The following WDR27 variants were observed in gnomAD, a reference collection of about 807,000 sequenced individuals.
The protein encoded by WDR27 is WD repeat domain 27, also known as WD repeat-containing protein 27.
In WDR27, 100 loss-of-function variants were observed where a neutral mutation model predicts 114.4. The ratio of observed to expected loss-of-function variants is 0.87; its 90% CI spans 0.74 to 1.03. The LOEUF is 1.03. Among genes scored for constraint, WDR27 ranks in the 50% least tolerant of loss-of-function variants. The pLI, the probability that WDR27 is intolerant of heterozygous loss-of-function variation, is 0.00. For synonymous variants in WDR27, 449 were observed against 423.1 expected, an observed-to-expected ratio of 1.06 and a Z score of -0.75; for missense variants, 1,129 against 1,092.9, an observed-to-expected ratio of 1.03 and a Z score of -0.47.
At chr6:169,598,691 A>G (rs1807322186) in intron 23 of WDR27, among the ~76,000 whole-genome samples, 1 of 152,186 alleles carries the variant, frequency 6.6e-6, no homozygotes, top group African/African-American at 2.4e-5. Context: ...ACGCAGCCAC[A>G]CACCAAGGAA....
intron 17 of WDR27, among the ~76,000 whole-genome samples, chr6:169,641,444 T>C (rs1269151555): frequency 1.3e-5 from 2 of 152,110 alleles, no homozygotes; most frequent in African/African-American, 4.8e-5. Context: ...GTTGGCCAGT[T>C]TCCCCTGTGG....
At chr6:169,572,846 T>C (rs1374250397) in intron 24 of WDR27, among the ~76,000 whole-genome samples, 1 of 152,134 alleles carries the variant, frequency 6.6e-6, no homozygotes, top group African/African-American at 2.4e-5. Flanking sequence ...ACAAAAAACA[T>C]TTTATGCCCA....
intron 25 of WDR27, among the ~76,000 whole-genome samples, chr6:169,525,921 C>T (rs1202354702): frequency 6.6e-6 from 1 of 152,154 alleles, no homozygotes; most frequent in East Asian, 1.9e-4. Context: ...CAATGCAATC[C>T]TGTCACCTGC....
At chr6:169,670,195 G>C (rs7747645) in intron 4 of WDR27, 26,557 of 163,960 alleles carry the variant, frequency 0.16, 2,778 homozygotes, top group East Asian at 0.29. Flanking sequence ...AACCCTGGTG[G>C]GAAAAGTCTG....
rs150669401 is a variant in WDR27 at position 169,533,332 on chromosome 6, G to A, written c.2645+39087C>T. 4.4e-3 allele frequency among the ~76,000 whole-genome samples: 672 copies of A among 152,074 alleles called. 6 individuals carry two copies. The highest frequency in any genetic ancestry group is 0.015 in the African/African-American group (637 of 41,452). The stretch of plus-strand genomic sequence containing the variant: ...GCGGGGGCGGTGGTGAGGTGAGAAC[G>A]ATTGGGTGCTAGACAGAAATGAGTC... On this transcript the variant is annotated intron_variant, in intron 25 of 25. Transcript: ENST00000448612.
At chr6:169,559,706 TCAC>T (rs1369415442) in intron 25 of WDR27, 2 of 152,204 alleles carry the variant, frequency 1.3e-5, no homozygotes, top group African/African-American at 4.8e-5. Flanking sequence ...TCCGTACAGC[TCAC>T]CCCGCTTTTC....
Position 169,587,093 on chromosome 6 carries a change from G to A in WDR27, c.2425-4159C>T, listed in dbSNP as rs968350131. Among the ~76,000 whole-genome samples, 3 of 151,418 alleles carry A rather than the reference G, an allele frequency of 2.0e-5. No individual in the cohort carries two copies. The South Asian group carries it at 6.2e-4, about 32-fold the overall frequency. On this transcript the variant is annotated intron_variant, in intron 23 of 25. Transcript: ENST00000448612. ...ACCTATCCCTTCCTGCCTTAAGTCT[G>A]GTGTTCCTTCTCTTCCTTACCAATA...
chr6:169,462,929 A>G (rs1197592174), intron 25 of WDR27, among the ~76,000 whole-genome samples: 2 of 152,226 alleles, frequency 1.3e-5, no homozygotes, highest in Admixed American at 1.3e-4. Context: ...TAATTTAAAA[A>G]ACCCCCAACA....
chr6:169,577,479 C>G lies in WDR27; in HGVS notation c.2524-4939G>C, dbSNP rs1184672337. Among the ~76,000 whole-genome samples the G allele has an allele frequency of 2.7e-5, 4 of 150,404 alleles. No individual in the cohort carries two copies. In the East Asian group the frequency reaches 5.8e-4, roughly 22 times the overall value. Reference sequence around the variant, plus strand: ...TGGTTCTGGATGTCCCAGGTGTAACCACAGCGGGCAGGATAAGGACAAAGG... The same window carrying G: ...TGGTTCTGGATGTCCCAGGTGTAACGACAGCGGGCAGGATAAGGACAAAGG... On this transcript the variant is annotated intron_variant, in intron 24 of 25. Coordinates refer to ENST00000448612, the MANE Select transcript of WDR27 (RefSeq NM_182552.5).
chr6:169,451,844 T>C, the WDR27 span, among the ~76,000 whole-genome samples: 7 of 152,236 alleles, frequency 4.6e-5, no homozygotes, highest in Non-Finnish European at 1.0e-4. Flanking sequence ...AAGTGCCTAG[T>C]CAAATATTTT....
intron 22 of WDR27, among the ~76,000 whole-genome samples, chr6:169,611,775 C>T (rs1309085348): frequency 6.6e-6 from 1 of 152,170 alleles, no homozygotes; most frequent in East Asian, 1.9e-4. Flanking sequence ...TCTTCCCCTC[C>T]ACATCTGGTC....
chr6:169,593,511 A>C (rs906657241), intron 23 of WDR27, among the ~76,000 whole-genome samples: 1 of 152,182 alleles, frequency 6.6e-6, no homozygotes, highest in African/African-American at 2.4e-5. Flanking sequence ...TTTATAAAAA[A>C]AATTGCACTA....
intron 16 of WDR27, among the ~76,000 whole-genome samples, chr6:169,647,403 A>T (rs1821045774): frequency 6.6e-6 from 1 of 152,240 alleles, no homozygotes; most frequent in Admixed American, 6.5e-5. Context: ...TCCAGAGGGA[A>T]GCAGTGACTG....
chr6:169,564,191 C>T (rs1346204084), intron 25 of WDR27, among the ~76,000 whole-genome samples: 2 of 152,230 alleles, frequency 1.3e-5, no homozygotes, highest in African/African-American at 4.8e-5. Context: ...AACCTGGAGT[C>T]TGATGTTCGA....
intron 7 of WDR27, 85 bp downstream of exon 7, chr6:169,665,401 A>T: frequency 6.6e-7 from 1 of 1,516,846 alleles, no homozygotes; most frequent in Non-Finnish European, 8.8e-7. Context: ...GAAAATACAA[A>T]GTAGCATGAA....
rs1338656911 is a variant in WDR27 at position 169,659,109 on chromosome 6, C to A, written c.1296G>T (p.Gly432=). Residue 432 remains glycine (G), a synonymous_variant, in exon 12 of 26, where the codon GGG becomes GGT. Transcript: ENST00000448612. This position sits in a 1 kb window ranked among gnomAD's most constrained non-coding sequence, Gnocchi z 4.3. ...LVRAQQCPSM[G]QSLSVPASSC... Reference sequence around the variant, plus strand: ...ACCTGGCTGGCACCGAGAGGCTCTGCCCCATGCTGGGGCACTGCTGAGCCC... The same window carrying A: ...ACCTGGCTGGCACCGAGAGGCTCTGACCCATGCTGGGGCACTGCTGAGCCC... 1 of 1,586,086 alleles carries A rather than the reference C, an allele frequency of 6.3e-7. No individual in the cohort carries two copies. Among genetic ancestry groups the A allele is most frequent in the Non-Finnish European group, 8.6e-7 (1 of 1,167,914 alleles).
At chr6:169,582,998 G>C in intron 23 of WDR27, 64 bp from the exon 24 acceptor site, 1 of 1,416,432 alleles carries the variant, frequency 7.1e-7, no homozygotes, top group African/African-American at 1.4e-5. Flanking sequence ...TGTAAGCTAG[G>C]CAGAGCAGAG....
chr6:169,583,498 TATATATGTATATATACACAC>T (rs1181863629), intron 23 of WDR27, among the ~76,000 whole-genome samples: 16 of 31,744 alleles, frequency 5.0e-4, no homozygotes, highest in Admixed American at 2.0e-3. Context: ...CATATATATA[TATATATGTATATATACACAC>T]ACACACACAC....
At chr6:169,632,682 T>G (rs1315359643) in intron 21 of WDR27, among the ~76,000 whole-genome samples, 1 of 152,220 alleles carries the variant, frequency 6.6e-6, no homozygotes, top group Non-Finnish European at 1.5e-5. Flanking sequence ...CTTATCAAGT[T>G]TTATGTAAGA....
Sources: gnomAD v4.1 joint callset for allele counts (sites outside exome capture counted in the v4.1 genomes callset) on GRCh38, gnomAD v4.1.1 for gene constraint, Gnocchi (gnomAD v3.1) non-coding constraint, MANE v1.5 for transcripts, NCBI Gene and HGNC (gene_info 2026-07-23, HGNC 2026-07-21) for gene names.